Variants in HECTD4 observed in about 807,000 individuals in gnomAD.
The protein encoded by HECTD4 is HECT domain E3 ubiquitin protein ligase 4.
A neutral mutation model predicts 471.5 loss-of-function variants in HECTD4; 114 were observed. The ratio of observed to expected loss-of-function variants is 0.24; its 90% confidence interval spans 0.21 to 0.28. The LOEUF (loss-of-function observed/expected upper bound fraction) is 0.28, where lower values mean the gene tolerates loss of function less well. Ranked by LOEUF, HECTD4 falls within the 10% of genes least tolerant of loss-of-function variation. The pLI is 1.00. For synonymous variants in HECTD4, 2,012 were observed against 2,256.0 expected (o/e 0.89, Z 3.07); for missense variants, 3,866 against 5,651.5 (o/e 0.68, Z 10.13).
rs1052213672 is a variant in HECTD4 at position 112,228,941 on chromosome 12, G to A, written c.6520-130C>T. The A allele has an allele frequency of 1.2e-6, 1 of 863,536 alleles. No individual in the cohort carries two copies. The highest frequency in any genetic ancestry group is 1.8e-6 in the Non-Finnish European group (1 of 542,598). 53.5% of individuals were successfully genotyped at this position (863,536 alleles called of 1,614,324 possible). On this transcript the variant is annotated intron_variant, in intron 41 of 75. Transcript: ENST00000682272. This position sits in a 1 kb window ranked among gnomAD's most constrained non-coding sequence, Gnocchi z 4.9. ...TACAGTAATAGTTTATACTACTAGG[G>A]TAGCAGATACCAAGCCCTAGACATG...
rs1308211753 is a variant in HECTD4 at position 112,184,995 on chromosome 12, G to A, written c.9971C>T (p.Ser3324Leu). The A allele has an allele frequency of 1.2e-6, 2 of 1,611,564 alleles. No homozygotes were observed. The highest frequency in any genetic ancestry group is 2.2e-5 in the East Asian group (1 of 44,804). The change falls in exon 61 of 76, where the codon TCG (serine) becomes TTG (leucine). Residue 3324 changes from serine to leucine, a missense_variant. By Grantham distance (145) the Ser-to-Leu change is moderately radical. Coordinates refer to ENST00000682272, the MANE Select transcript of HECTD4 (RefSeq NM_001388303.1). This position sits in a 1 kb window ranked among gnomAD's most constrained non-coding sequence, Gnocchi z 9.1. ...KVKMKREKAS[S>L]SGKRQSSRTV... ...GCGGGAAGACTGGCGCTTGCCCGAC[G>A]AGGAGGCCTTTTCCCGCTTCATCTT...
intron 1 of HECTD4, among the ~76,000 whole-genome samples, chr12:112,356,686 C>T (rs2036344001): frequency 6.6e-6 from 1 of 152,134 alleles, no homozygotes; most frequent in Admixed American, 6.6e-5. Context: ...GATCCTCCCA[C>T]CTCGGCCTCC....
rs149764456 is a variant in HECTD4, at chr12:112,312,673, G to A, written c.916+344C>T. Among the ~76,000 whole-genome samples the A allele has an allele frequency of 1.1e-4, 17 of 152,208 alleles. 1 individual carries two copies. The East Asian group carries it at 3.3e-3, about 29-fold the overall frequency. On this transcript the variant is annotated intron_variant, in intron 4 of 75. Coordinates refer to ENST00000682272, the MANE Select transcript of HECTD4 (RefSeq NM_001388303.1). ...TTACTAAAGGAAATATTATCAAGCA[G>A]TAAGACCTGATATTCTATTAGCAGA...
intron 34 of HECTD4, among the ~76,000 whole-genome samples, chr12:112,238,441 G>A (rs542965902): frequency 6.6e-6 from 1 of 152,318 alleles, no homozygotes; most frequent in African/African-American, 2.4e-5. Context: ...CCTTGAAAAT[G>A]CAACTGAAAA....
Position 112,163,982 on chromosome 12 carries a change from C to T in HECTD4, c.12701+127G>A. ...CACCATCCTGCCTCATCTCCCTCTC[C>T]TGGTGAAATCCACCTGTCACCTGAC... On this transcript the variant is annotated intron_variant, in intron 73 of 75. Transcript: ENST00000682272. The surrounding 1 kb of genome is among the most constrained non-coding windows in gnomAD (Gnocchi z 8.2). 1 of 1,061,272 alleles carries T rather than the reference C, an allele frequency of 9.4e-7. No individual in the cohort carries two copies. The highest frequency in any genetic ancestry group is 1.3e-6 in the Non-Finnish European group (1 of 785,938). 65.7% of individuals were successfully genotyped at this position (1,061,272 alleles called of 1,614,324 possible).
At position 112,269,240 on chromosome 12, in the gene HECTD4, C is replaced by G. The variant is rs559191182; in HGVS notation, c.2321+464G>C. Among the ~76,000 whole-genome samples the G allele has an allele frequency of 7.2e-5, 11 of 152,248 alleles. No individual in the cohort carries two copies. The South Asian group carries it at 2.3e-3, about 32-fold the overall frequency. On this transcript the variant is annotated intron_variant, in intron 13 of 75. Transcript: ENST00000682272. Reference sequence around the variant, plus strand: ...AGCACTTACTTTGCATCAGGCCTTACCTTAGGAAAACCTCACAAACCCATA... The same window carrying G: ...AGCACTTACTTTGCATCAGGCCTTAGCTTAGGAAAACCTCACAAACCCATA...
At chr12:112,313,780 C>T (rs1343718735) in intron 3 of HECTD4, among the ~76,000 whole-genome samples, 4 of 152,082 alleles carry the variant, frequency 2.6e-5, no homozygotes, top group Non-Finnish European at 4.4e-5. Flanking sequence ...TGAGCCATCA[C>T]GCCCTGCTAC....
Position 112,203,966 on chromosome 12 carries a change from A to G in HECTD4, c.8270-194T>C, listed in dbSNP as rs371054028. ...AAGAACACAACTCAGTCTGGAAGGT[A>G]ATATAATAGAACGTTGTAAAAGCTC... is the stretch of plus-strand genomic sequence containing the variant. On this transcript the variant is annotated intron_variant, in intron 53 of 75. Coordinates refer to ENST00000682272, the MANE Select transcript of HECTD4 (RefSeq NM_001388303.1). 4.5e-4 allele frequency among the ~76,000 whole-genome samples: 68 copies of G among 152,376 alleles called. 2 individuals carry two copies. The South Asian group carries it at 0.012, about 27-fold the overall frequency.
In HECTD4 at chr12:112,167,830, G is replaced by A. The variant is rs2031036615; in HGVS notation, c.12296C>T (p.Ala4099Val). 6.2e-7 allele frequency: 1 copy of A among 1,613,558 alleles called. No homozygotes were observed. Among genetic ancestry groups the A allele is most frequent in the Non-Finnish European group, 8.5e-7 (1 of 1,179,688 alleles). Residue 4099 changes from alanine to valine, a missense_variant, in exon 71 of 76, where the codon GCT becomes GTT. This residue lies in a region of HECTD4 where 715 missense variants were observed against 1,087.6 expected (regional missense o/e 0.66). Coordinates refer to ENST00000682272, the MANE Select transcript of HECTD4 (RefSeq NM_001388303.1). ...LSLLLLCPSS[A>V]VNKNKGKYIL... Reference sequence around the variant, plus strand: ...TCTGCCTACCTTGTTCTTATTGACAGCTGAGCTGGGGCACAGCAGCAGCAG... The same window carrying A: ...TCTGCCTACCTTGTTCTTATTGACAACTGAGCTGGGGCACAGCAGCAGCAG...
intron 7 of HECTD4, 77 bp from the exon 8 acceptor site, chr12:112,283,379 TGTGA>T: frequency 8.9e-7 from 1 of 1,119,388 alleles, no homozygotes; most frequent in African/African-American, 1.6e-5. Context: ...AGGATATTAT[TGTGA>T]GTAAATAAAA....
chr12:112,308,699 C>T (rs1214243605), intron 6 of HECTD4, 54 bp downstream of exon 6: 2 of 1,457,682 alleles, frequency 1.4e-6, no homozygotes, highest in Admixed American at 4.6e-5. Context: ...GATATAGGAA[C>T]TTTCTTTATT....
At chr12:112,366,360 T>A (rs1009196516) in intron 1 of HECTD4, among the ~76,000 whole-genome samples, 1 of 151,686 alleles carries the variant, frequency 6.6e-6, no homozygotes, top group African/African-American at 2.4e-5. Flanking sequence ...AAATTTTTTT[T>A]AAATAAAAAA....
At chr12:112,324,023 TTCCTTCCTTCCTTCCTTC>T in intron 1 of HECTD4, among the ~76,000 whole-genome samples, 1 of 50,832 alleles carries the variant, frequency 2.0e-5, no homozygotes, top group African/African-American at 2.1e-4. Flanking sequence ...CCTTCCTTCC[TTCCTTCCTTCCTTCCTTC>T]CTTCCTTTCT....
Position 112,306,196 on chromosome 12 carries a change from G to A in HECTD4, c.1203C>T (p.Pro401=), listed in dbSNP as rs1223898622. Residue 401 remains proline (P), a synonymous_variant, in exon 7 of 76, where the codon CCC becomes CCT. Transcript: ENST00000682272. ...GCACAGTGCTCATGGTGCTGCCAAT[G>A]GGGAGGTGATTGGCTGGCATTGGCA... The part of the protein sequence containing the change: ...QVVPMPANHL[P]IGSTMSTVHL... 6.3e-7 allele frequency: 1 copy of A among 1,590,798 alleles called. No individual in the cohort carries two copies.
chr12:112,228,030 C>G lies in HECTD4; in HGVS notation c.6854+59G>C. ...GGAGTGGAGGGGCCCACCAAGGATC[C>G]CTTCTTCTGTCAGCTTGCACCATGT... On this transcript the variant is annotated intron_variant, in intron 43 of 75. Coordinates refer to ENST00000682272, the MANE Select transcript of HECTD4 (RefSeq NM_001388303.1). The surrounding 1 kb of genome is among the most constrained non-coding windows in gnomAD (Gnocchi z 4.9). 1 of 1,470,996 alleles carries G rather than the reference C, an allele frequency of 6.8e-7. No individual in the cohort carries two copies. The highest frequency in any genetic ancestry group is 9.1e-7 in the Non-Finnish European group (1 of 1,103,780). The allele number at this position is 1,470,996 out of a possible 1,614,324, so 91.1% of individuals were successfully genotyped here.
intron 44 of HECTD4, among the ~76,000 whole-genome samples, chr12:112,220,882 A>C (rs2033074374): frequency 6.6e-6 from 1 of 152,190 alleles, no homozygotes; most frequent in African/African-American, 2.4e-5. Flanking sequence ...CGGGAGGCTG[A>C]GGCAGGAGGA....
intron 7 of HECTD4, among the ~76,000 whole-genome samples, chr12:112,290,865 A>C (rs983795263): frequency 6.7e-6 from 1 of 148,160 alleles, no homozygotes; most frequent in African/African-American, 2.5e-5. Context: ...AAACAAAACA[A>C]AAAAAAAAAA....
At chr12:112,255,585 A>G (rs1489533078) in intron 21 of HECTD4, among the ~76,000 whole-genome samples, 2 of 152,176 alleles carry the variant, frequency 1.3e-5, no homozygotes, top group Admixed American at 6.5e-5. Context: ...ATTTAAGCCC[A>G]TTTGCCCTCA....
At chr12:112,289,990 T>C (rs771631920) in intron 7 of HECTD4, among the ~76,000 whole-genome samples, 3 of 152,010 alleles carry the variant, frequency 2.0e-5, no homozygotes, top group Non-Finnish European at 4.4e-5. Flanking sequence ...TCTTTCTTTT[T>C]AAAGGGATAA....
Sources: allele counts gnomAD v4.1 joint callset (sites outside exome capture counted in the v4.1 genomes callset), GRCh38; gene constraint gnomAD v4.1.1; regional missense constraint gnomAD v4.1.1; non-coding constraint Gnocchi (gnomAD v3.1); transcripts MANE v1.5; gene names NCBI Gene and HGNC (gene_info 2026-07-23, HGNC 2026-07-21).